The following NKD2 variants were observed in gnomAD, a reference collection of about 807,000 sequenced individuals.
NKD2 encodes protein naked cuticle homolog 2.
Under a neutral mutation model 34.8 loss-of-function variants are expected in NKD2, and 43 were observed. The observed-to-expected ratio is 1.24, with a 90% CI of 0.97 to 1.60. The LOEUF is 1.60. NKD2 is among the 40% of genes most tolerant of loss of function. The probability of loss-of-function intolerance (pLI) is 0.00; values close to 1 mark genes in which losing one functional copy is unlikely to be tolerated. For synonymous variants in NKD2, 278 were observed against 265.1 expected (o/e 1.05, Z -0.47); for missense variants, 675 against 627.1 (o/e 1.08, Z -0.82).
chr5:1,018,664 C>T (rs1001568735), intron 3 of NKD2, among the ~76,000 whole-genome samples: 4 of 152,114 alleles, frequency 2.6e-5, no homozygotes, highest in Non-Finnish European at 5.9e-5. Flanking sequence ...CAGGCTGAGC[C>T]GAGCCCAGCA....
intron 9 of NKD2, chr5:1,036,889 C>A (rs759788814): frequency 2.3e-6 from 1 of 442,220 alleles, no homozygotes; most frequent in East Asian, 7.5e-5. Flanking sequence ...GTGTGGATGG[C>A]GGGCAGTGTG....
chr5:1,026,460 A>C (rs34504057), intron 3 of NKD2, among the ~76,000 whole-genome samples: 1 of 61,310 alleles, frequency 1.6e-5, no homozygotes, highest in Non-Finnish European at 3.1e-5. Context: ...GTCTCAGCCC[A>C]TTGTCCCTGC....
chr5:1,017,815 T>C (rs1756018467), intron 3 of NKD2, among the ~76,000 whole-genome samples: 1 of 151,052 alleles, frequency 6.6e-6, no homozygotes, highest in South Asian at 2.1e-4. Context: ...AGGCCTGTGG[T>C]GCTGGGGTGT....
At chr5:1,011,279 G>A (rs1243288520) in intron 3 of NKD2, among the ~76,000 whole-genome samples, 3 of 152,084 alleles carry the variant, frequency 2.0e-5, no homozygotes, top group Admixed American at 2.0e-4. Context: ...CTCCCACCTG[G>A]CATGGAGACC....
At chr5:1,010,272 A>G (rs1332224867) in intron 3 of NKD2, among the ~76,000 whole-genome samples, 1 of 152,190 alleles carries the variant, frequency 6.6e-6, no homozygotes, top group Non-Finnish European at 1.5e-5. Flanking sequence ...GAGAAAGCTA[A>G]CATTTGATGG....
At position 1,038,028 on chromosome 5, in the gene NKD2, C is replaced by T. The variant is rs376860908; in HGVS notation, c.1011C>T (p.Ser337=). ...AGTTCCTCAAGTCCCCCAAGGGCTC[C>T]GGGAAGCCGCCTGGGGTGCCAGCCA... is the stretch of plus-strand genomic sequence containing the variant. ...EKQFLKSPKG[S]GKPPGVPASS... The change falls in exon 10 of 10, where the codon TCC becomes TCT. Residue 337 remains serine, a synonymous_variant. Coordinates refer to ENST00000296849, the MANE Select transcript of NKD2 (RefSeq NM_033120.4). This position sits in a 1 kb window ranked among gnomAD's most constrained non-coding sequence, Gnocchi z 4.5. The T allele has an allele frequency of 2.1e-5, 34 of 1,608,872 alleles. No individual in the cohort carries two copies. The highest frequency in any genetic ancestry group is 7.7e-5 in the South Asian group (7 of 90,846).
At chr5:1,033,031 C>G (rs1220330350) in intron 4 of NKD2, among the ~76,000 whole-genome samples, 1 of 151,710 alleles carries the variant, frequency 6.6e-6, no homozygotes, top group African/African-American at 2.4e-5. Context: ...GGGACTGTGT[C>G]TATGGGGAGG....
Position 1,038,377 on chromosome 5 carries a change from C to T in NKD2, c.*4C>T, listed in dbSNP as rs1310501514. The T allele has an allele frequency of 1.3e-6, 2 of 1,535,846 alleles. No homozygotes were observed. The highest frequency in any genetic ancestry group is 2.4e-5 in the East Asian group (1 of 40,898). On this transcript the variant is annotated 3_prime_UTR_variant, in exon 10 of 10. Coordinates refer to ENST00000296849, the MANE Select transcript of NKD2 (RefSeq NM_033120.4). This position sits in a 1 kb window ranked among gnomAD's most constrained non-coding sequence, Gnocchi z 4.5. ...CCACCACTTCCACCCGTCCTAGCGC[C>T]ACTGCCAAGCACACCTCGCTCCCAG... is the stretch of plus-strand genomic sequence containing the variant.
chr5:1,020,727 A>C (rs1269651213), intron 3 of NKD2, among the ~76,000 whole-genome samples: 1 of 136,270 alleles, frequency 7.3e-6, no homozygotes, highest in Non-Finnish European at 1.5e-5. Flanking sequence ...TTTCATGGGC[A>C]GGGCAGCCCT....
rs1187962643 is a variant in NKD2, at chr5:1,008,813, GGCCGCCGTC to G, written c.-242_-234del. On this transcript the variant is annotated 5_prime_UTR_variant, in exon 1 of 10. Transcript: ENST00000296849. ...GGGCGCACGCGCTCAGAGGGAGCCG[GGCCGCCGTC>G]GCTGCCGCCGCTGTCCCCGCGCCCT... 1.3e-5 allele frequency: 3 copies of G among 225,372 alleles called. No individual in the cohort carries two copies. Among genetic ancestry groups the G allele is most frequent in the African/African-American group, 2.3e-5 (1 of 43,098 alleles). The allele number at this position is 225,372 out of a possible 1,614,324, so 14.0% of individuals were successfully genotyped here.
Position 1,009,552 on chromosome 5 carries a change from G to A in NKD2, c.133G>A (p.Asp45Asn), listed in dbSNP as rs777185241. ...GGAGGAAGCGGAGCGGCGCGCGCGG[G>A]ACAAGCAGGTAGGCGGCGGGGCGGA... ...GAEEAERRARDKQELPNGDPK... is the reference protein window; with the variant it reads ...GAEEAERRARNKQELPNGDPK... Residue 45 changes from aspartate to asparagine, a missense_variant, in exon 3 of 10, where the codon GAC becomes AAC. Coordinates refer to ENST00000296849, the MANE Select transcript of NKD2 (RefSeq NM_033120.4). The surrounding 1 kb of genome is among the most constrained non-coding windows in gnomAD (Gnocchi z 6.9). The A allele has an allele frequency of 1.3e-6, 2 of 1,486,414 alleles. No individual in the cohort carries two copies. Among genetic ancestry groups the A allele is most frequent in the South Asian group, 2.5e-5 (2 of 78,660 alleles). The allele number at this position is 1,486,414 out of a possible 1,614,324, so 92.1% of individuals were successfully genotyped here.
chr5:1,017,047 C>T (rs894023606), intron 3 of NKD2, among the ~76,000 whole-genome samples: 2 of 152,240 alleles, frequency 1.3e-5, no homozygotes, highest in African/African-American at 4.8e-5. Flanking sequence ...CTCGTCCTTC[C>T]CACAAAGGAT....
Position 1,009,018 on chromosome 5 carries a change from T to C in NKD2, c.-40T>C. 2.3e-6 allele frequency: 1 copy of C among 440,690 alleles called. No homozygotes were observed. The highest frequency in any genetic ancestry group is 4.0e-6 in the Non-Finnish European group (1 of 251,852). The allele number at this position is 440,690 out of a possible 1,614,324, so 27.3% of individuals were successfully genotyped here. ...CGGCCCCGGCTTCAGAACTCAGCCC[T>C]GCACCTGAGCGCGGGGCCCGGCGGG... is the stretch of plus-strand genomic sequence containing the variant. On this transcript the variant is annotated 5_prime_UTR_variant, in exon 1 of 10. Transcript: ENST00000296849. This position sits in a 1 kb window ranked among gnomAD's most constrained non-coding sequence, Gnocchi z 6.9.
intron 3 of NKD2, among the ~76,000 whole-genome samples, chr5:1,020,858 C>A (rs570798984): frequency 6.6e-6 from 1 of 151,954 alleles, no homozygotes; most frequent in Non-Finnish European, 1.5e-5. Context: ...CGTCCACCCT[C>A]GTGGCAGGGG....
chr5:1,037,890 A>G lies in NKD2; in HGVS notation c.873A>G (p.Thr291=), dbSNP rs370848305. The G allele has an allele frequency of 1.9e-6, 3 of 1,605,814 alleles. No individual in the cohort carries two copies. Among genetic ancestry groups the G allele is most frequent in the Non-Finnish European group, 2.5e-6 (3 of 1,179,302 alleles). ...GGTCCCGCTCCCAGGAGCCAGATACACATGCCGTACACCACCGCAGGTCAC... is the reference window on the plus strand; with the variant it reads ...GGTCCCGCTCCCAGGAGCCAGATACGCATGCCGTACACCACCGCAGGTCAC... ...QARSRSQEPD[T]HAVHHRRSQV... is the part of the protein sequence containing the mutation. Residue 291 remains threonine (T), a synonymous_variant, in exon 10 of 10, where the codon ACA becomes ACG. Coordinates refer to ENST00000296849, the MANE Select transcript of NKD2 (RefSeq NM_033120.4).
At position 1,038,505 on chromosome 5, in the gene NKD2, A is replaced by C; in HGVS notation, c.*132A>C. On this transcript the variant is annotated 3_prime_UTR_variant, in exon 10 of 10. Transcript: ENST00000296849. The surrounding 1 kb of genome is among the most constrained non-coding windows in gnomAD (Gnocchi z 4.5). ...CCCCCACCTCCGACAGCAAACAGCAACTGACTGCAGGTGCTGGCATGATGG... is the reference window on the plus strand; with the variant it reads ...CCCCCACCTCCGACAGCAAACAGCACCTGACTGCAGGTGCTGGCATGATGG... 1.3e-6 allele frequency: 2 copies of C among 1,506,370 alleles called. No individual in the cohort carries two copies. The highest frequency in any genetic ancestry group is 1.8e-6 in the Non-Finnish European group (2 of 1,120,930). 93.3% of individuals were successfully genotyped at this position (1,506,370 alleles called of 1,614,324 possible). A position where few individuals can be genotyped will look rare whatever the true frequency, so the allele number is the denominator to read the frequency against.
rs3840989 is a variant in NKD2 at position 1,038,331 on chromosome 5, GCACCACCACCACCACCAC to G, written c.1324_1341del (p.His442_His447del). The G allele has an allele frequency of 3.1e-5, 47 of 1,528,564 alleles. No individual in the cohort carries two copies. The highest frequency in any genetic ancestry group is 2.5e-4 in the South Asian group (21 of 83,096). 94.7% of individuals were successfully genotyped at this position (1,528,564 alleles called of 1,614,324 possible). On this transcript the variant is annotated inframe_deletion, in exon 10 of 10. Transcript: ENST00000296849. This position sits in a 1 kb window ranked among gnomAD's most constrained non-coding sequence, Gnocchi z 4.5. ...GGCACGAGCACCACCACCACCACGA[GCACCACCACCACCACCAC>G]CACCACCACTTCCACCCGTCCTAGC...
Position 1,038,892 on chromosome 5 carries a change from T to G in NKD2, c.*519T>G. 1 of 224,244 alleles carries G rather than the reference T, an allele frequency of 4.5e-6. No individual in the cohort carries two copies. The highest frequency in any genetic ancestry group is 5.5e-5 in the Admixed American group (1 of 18,146). The allele number at this position is 224,244 out of a possible 1,614,324, so 13.9% of individuals were successfully genotyped here. Reference sequence around the variant, plus strand: ...GTGCTTAGCAGGGAGCATCCGCGGCTCCCCGCAGGAGGCCAAGCAGCAGAA... The same window carrying G: ...GTGCTTAGCAGGGAGCATCCGCGGCGCCCCGCAGGAGGCCAAGCAGCAGAA... On this transcript the variant is annotated 3_prime_UTR_variant, in exon 10 of 10. Transcript: ENST00000296849. The surrounding 1 kb of genome is among the most constrained non-coding windows in gnomAD (Gnocchi z 4.5).
At chr5:1,011,892 C>T (rs1394576216) in intron 3 of NKD2, among the ~76,000 whole-genome samples, 2 of 152,360 alleles carry the variant, frequency 1.3e-5, no homozygotes, top group Non-Finnish European at 2.9e-5. Flanking sequence ...GCGGGACCCG[C>T]ACGGCTTCAT....
Sources: allele counts gnomAD v4.1 joint callset (sites outside exome capture counted in the v4.1 genomes callset), GRCh38; gene constraint gnomAD v4.1.1; non-coding constraint Gnocchi (gnomAD v3.1); transcripts MANE v1.5; gene names NCBI Gene and HGNC (gene_info 2026-07-23, HGNC 2026-07-21).